LZTS2: variants seen among roughly 807,000 people sequenced by gnomAD.
The protein encoded by LZTS2 is leucine zipper tumor suppressor 2.
A neutral mutation model predicts 60.6 loss-of-function variants in LZTS2; 32 were observed. That is an observed-to-expected ratio of 0.53 (90% CI 0.40 to 0.71). The LOEUF (loss-of-function observed/expected upper bound fraction) is 0.71, where lower values mean the gene tolerates loss of function less well. Among genes scored for constraint, LZTS2 ranks in the 30% least tolerant of loss-of-function variants. The probability of loss-of-function intolerance (pLI) is 0.00; values close to 1 mark genes in which losing one functional copy is unlikely to be tolerated. For synonymous variants in LZTS2, 360 were observed against 393.1 expected, an observed-to-expected ratio of 0.92 and a Z score of 1.00; for missense variants, 792 against 901.9, an observed-to-expected ratio of 0.88 and a Z score of 1.56.
At chr10:101,003,374 C>T in intron 1 of LZTS2, 133 bp from the exon 3 acceptor site, 2 of 867,100 alleles carry the variant, frequency 2.3e-6, no homozygotes, top group Non-Finnish European at 3.4e-6. Context: ...CACTGGTGGC[C>T]ACCTCCACCA....
At chr10:101,006,638 G>A (rs866714978) in exon 4 of LZTS2, 50 of 1,589,358 alleles carry the variant, frequency 3.1e-5, no homozygotes, top group Non-Finnish European at 4.2e-5. Context: ...CCGTGCGCGG[G>A]GTCTACAGGA....
upstream of LZTS2, among the ~76,000 whole-genome samples, chr10:100,997,731 A>G (rs112701090): frequency 6.6e-6 from 1 of 152,244 alleles, no homozygotes; most frequent in African/African-American, 2.4e-5. Flanking sequence ...TGTGCCCCCA[A>G]CCCAACCACG....
rs1852231171 is a variant in LZTS2, at chr10:101,007,035, GGCGCAACC to G, written c.1879_1886del (p.Arg627AlafsTer20). ...CAGCACAACTACATCCAGATGTACC[GGCGCAACC>G]GGCAGCTAGAGCAGGAGCTGCAGCA... On this transcript the variant is annotated frameshift_variant, in exon 4 of 4. Transcript: ENST00000370220. LOFTEE classifies it high-confidence loss of function. 6.3e-7 allele frequency: 1 copy of G among 1,590,390 alleles called. No individual in the cohort carries two copies.
exon 2 of LZTS2, chr10:101,004,008 A>G (rs561514334): frequency 1.2e-6 from 2 of 1,613,112 alleles, no homozygotes; most frequent in East Asian, 2.2e-5. Flanking sequence ...CTCCCCTGAC[A>G]GCAGCTCCTG....
At chr10:100,997,438 G>T (rs557128059), upstream of LZTS2, among the ~76,000 whole-genome samples, 1 of 152,168 alleles carries the variant, frequency 6.6e-6, no homozygotes, top group Non-Finnish European at 1.5e-5. Flanking sequence ...ACAGACCCAC[G>T]CCCGCACTTG....
At chr10:101,007,736 C>T (rs757650659) in exon 4 of LZTS2, 90 of 785,474 alleles carry the variant, frequency 1.1e-4, no homozygotes, top group Non-Finnish European at 1.4e-4. Context: ...TCCCTTCACC[C>T]AGGTTTATGG....
rs543246211 is a variant in LZTS2, at chr10:101,006,662, C to G, written c.1504C>G (p.Arg502Gly). The G allele has an allele frequency of 1.6e-5, 26 of 1,588,100 alleles. No individual in the cohort carries two copies. In the East Asian group the frequency reaches 5.7e-4, roughly 35 times the overall value. The change falls in exon 4 of 4, where the codon CGG (arginine) becomes GGG (glycine). Residue 502 changes from arginine to glycine, a missense_variant. Transcript: ENST00000370220. Reference sequence around the variant, plus strand: ...GGGTCTACAGGAGGCCGCCCGAGCTCGGGAGCTGGAGCTGGAAGCCTGTTC... The same window carrying G: ...GGGTCTACAGGAGGCCGCCCGAGCTGGGGAGCTGGAGCTGGAAGCCTGTTC...
chr10:101,005,831 C>T, intron 3 of LZTS2, 116 bp downstream of exon 4: 1 of 1,332,830 alleles, frequency 7.5e-7, no homozygotes. Context: ...CCCTTTCTCA[C>T]CTCCGTGAGA....
exon 1 of LZTS2, chr10:101,002,504 G>A: frequency 6.7e-7 from 1 of 1,496,630 alleles, no homozygotes. Flanking sequence ...CAGGTCGCCT[G>A]CGAGGCCGCT....
chr10:101,006,828 AG>A lies in LZTS2; in HGVS notation c.1672del (p.Ala558ProfsTer53). 1 of 1,539,686 alleles carries A rather than the reference AG, an allele frequency of 6.5e-7. No homozygotes were observed. The highest frequency in any genetic ancestry group is 8.8e-7 in the Non-Finnish European group (1 of 1,140,548). The stretch of plus-strand genomic sequence containing the variant: ...CCATTCCTCCTGGCAGAGAGTGATG[AG>A]GCCAAAGTGCAGCGGGCAGCAGCCG... On this transcript the variant is annotated frameshift_variant, in exon 4 of 4. Coordinates refer to ENST00000370220, the Ensembl canonical transcript of LZTS2. LOFTEE classifies it high-confidence loss of function.
At chr10:100,998,672 G>C (rs961352703), upstream of LZTS2, 1 of 152,180 alleles carries the variant, frequency 6.6e-6, no homozygotes, top group African/African-American at 2.4e-5. Context: ...CTAGGGGAAA[G>C]GCTGTGCGGT....
At position 101,005,487 on chromosome 10, in the gene LZTS2, G is replaced by A. The variant is rs748166216; in HGVS notation, c.1098G>A (p.Gln366=). 5.1e-6 allele frequency: 8 copies of A among 1,574,848 alleles called. No homozygotes were observed. The South Asian group carries it at 7.8e-5, about 15-fold the overall frequency. ...ACGAGGAGCGGCAGCGGCACTGGCA[G>A]CGAGAGCGTGAGGCCCTGCGAGAGG... Residue 366 remains glutamine, a synonymous_variant, in exon 3 of 4, where the codon CAG becomes CAA. Coordinates refer to ENST00000370220, the Ensembl canonical transcript of LZTS2.
chr10:101,005,816 TCCTCCCCTTTCTCA>T, intron 3 of LZTS2, 101 bp downstream of exon 4: 1 of 1,378,114 alleles, frequency 7.3e-7, no homozygotes, highest in Non-Finnish European at 9.5e-7. Context: ...CCCCCAGAGG[TCCTCCCCTTTCTCA>T]CCTCCGTGAG....
rs1852079869 is a variant in LZTS2 at position 101,003,008 on chromosome 10, A to C, written c.408+62A>C. 3.2e-5 allele frequency: 49 copies of C among 1,522,628 alleles called. No individual in the cohort carries two copies. The South Asian group carries it at 5.3e-4, about 16-fold the overall frequency. The allele number at this position is 1,522,628 out of a possible 1,614,324, so 94.3% of individuals were successfully genotyped here. A position where few individuals can be genotyped will look rare whatever the true frequency, so the allele number is the denominator to read the frequency against. On this transcript the variant is annotated intron_variant, in intron 1 of 3. Transcript: ENST00000370220. ...CGGGAGTCCTCGCTTGGGAAACTGG[A>C]ATTTAGAAGCTTATATAGAGGAAAG...
At chr10:101,004,118 T>A in exon 2 of LZTS2, 1 of 1,612,696 alleles carries the variant, frequency 6.2e-7, no homozygotes, top group Non-Finnish European at 8.5e-7. Context: ...AGGCAGAGCT[T>A]CAGCAGCTGC....
At chr10:100,999,533 C>T (rs1219192263) in exon 1 of LZTS2, 4 of 152,204 alleles carry the variant, frequency 2.6e-5, no homozygotes, top group Non-Finnish European at 2.9e-5. Context: ...TGCCGCTGGC[C>T]CCGGGGCCCC....
chr10:101,006,862 G>A, exon 4 of LZTS2: 1 of 1,534,454 alleles, frequency 6.5e-7, no homozygotes, highest in East Asian at 2.3e-5. Context: ...CCGGGGTTGG[G>A]GGCAGCTTGC....
At chr10:101,005,321 G>T in intron 2 of LZTS2, 137 bp from the exon 4 acceptor site, 1 of 971,242 alleles carries the variant, frequency 1.0e-6, no homozygotes, top group Non-Finnish European at 1.5e-6. Context: ...AAAGCAGTTA[G>T]TATTGTTGTT....
chr10:101,005,340 T>C, intron 2 of LZTS2, 118 bp from the exon 4 acceptor site: 1 of 1,140,274 alleles, frequency 8.8e-7, no homozygotes, highest in Non-Finnish European at 1.2e-6. Flanking sequence ...TTGCAATTAC[T>C]ATTGTTGTTT....
Sources: gnomAD v4.1 joint callset for allele counts (sites outside exome capture counted in the v4.1 genomes callset) on GRCh38, gnomAD v4.1.1 for gene constraint, MANE v1.5 for transcripts, NCBI Gene and HGNC (gene_info 2026-07-23, HGNC 2026-07-21) for gene names.